MAGI2: variants seen among roughly 807,000 people sequenced by gnomAD.
The protein encoded by MAGI2 is membrane associated guanylate kinase, WW and PDZ domain containing 2, also known as membrane-associated guanylate kinase, WW and PDZ domain-containing protein 2.
In MAGI2, 35 loss-of-function variants were observed where a neutral mutation model predicts 133.3. The ratio of observed to expected loss-of-function variants is 0.26; its 90% CI spans 0.20 to 0.35. The LOEUF (loss-of-function observed/expected upper bound fraction) is 0.35. Ranked by LOEUF, MAGI2 falls within the 10% of genes least tolerant of loss-of-function variation. The probability of loss-of-function intolerance (pLI) is 1.00; values close to 1 mark genes in which losing one functional copy is unlikely to be tolerated. For synonymous variants in MAGI2, 729 were observed against 710.6 expected, an observed-to-expected ratio of 1.03 and a Z score of -0.41; for missense variants, 1,636 against 1,863.4, an observed-to-expected ratio of 0.88 and a Z score of 2.25.
At chr7:78,880,003 A>T (rs1215036028) in intron 2 of MAGI2, among the ~76,000 whole-genome samples, 1 of 152,126 alleles carries the variant, frequency 6.6e-6, no homozygotes, top group Non-Finnish European at 1.5e-5. Flanking sequence ...TTTCATACTA[A>T]CACAGTTAGA....
chr7:78,438,546 T>C (rs998645754), intron 6 of MAGI2, among the ~76,000 whole-genome samples: 2 of 152,190 alleles, frequency 1.3e-5, no homozygotes, highest in Non-Finnish European at 2.9e-5. Context: ...GGTTCCTTTA[T>C]GAGCGTGCTG....
At chr7:78,481,975 T>C (rs1027679348) in intron 6 of MAGI2, among the ~76,000 whole-genome samples, 1 of 151,828 alleles carries the variant, frequency 6.6e-6, no homozygotes, top group Non-Finnish European at 1.5e-5. Context: ...AAATACAAAC[T>C]GCAGACTTGG....
At chr7:78,366,437 C>T (rs1334884725) in intron 7 of MAGI2, among the ~76,000 whole-genome samples, 1 of 152,134 alleles carries the variant, frequency 6.6e-6, no homozygotes, top group Non-Finnish European at 1.5e-5. Context: ...AAACACTCTA[C>T]ATACTGAAAG....
chr7:78,683,733 C>T (rs1238387541), intron 2 of MAGI2, among the ~76,000 whole-genome samples: 2 of 152,114 alleles, frequency 1.3e-5, no homozygotes, highest in African/African-American at 4.8e-5. Context: ...TATCCTGTCC[C>T]TAATCATAAG....
chr7:78,097,583 T>C (rs1405324126), intron 20 of MAGI2, among the ~76,000 whole-genome samples: 2 of 152,184 alleles, frequency 1.3e-5, no homozygotes, highest in African/African-American at 4.8e-5. Flanking sequence ...AAATACTGCA[T>C]GTTCTCACTT....
intron 9 of MAGI2, among the ~76,000 whole-genome samples, chr7:78,269,546 T>TTTGAGCA (rs916258094): frequency 1.3e-4 from 19 of 151,884 alleles, no homozygotes; most frequent in Admixed American, 1.1e-3. Flanking sequence ...GATGATGAGC[T>TTTGAGCA]TTTTTTTCAT....
intron 1 of MAGI2, among the ~76,000 whole-genome samples, chr7:79,160,500 TTACTA>T (rs771028251): frequency 1.3e-5 from 2 of 152,180 alleles, no homozygotes; most frequent in South Asian, 4.1e-4. Context: ...TAAAAAATCT[TTACTA>T]TAGTGAGTTG....
intron 2 of MAGI2, among the ~76,000 whole-genome samples, chr7:78,791,929 A>T (rs1333447527): frequency 6.6e-6 from 1 of 152,194 alleles, no homozygotes; most frequent in Admixed American, 6.5e-5. Context: ...AAAATTACAT[A>T]GTTATAAAAT....
intron 2 of MAGI2, among the ~76,000 whole-genome samples, chr7:78,912,560 C>T (rs552453848): frequency 6.6e-6 from 1 of 151,946 alleles, no homozygotes; most frequent in Non-Finnish European, 1.5e-5. Context: ...AGCCTTCCAG[C>T]CTACATCTTT....
intron 1 of MAGI2, chr7:79,414,738 T>C (rs1403131908): frequency 6.6e-6 from 1 of 152,170 alleles, no homozygotes; most frequent in Non-Finnish European, 1.5e-5. Flanking sequence ...TGTTGAACAT[T>C]TACTACCTTG....
chr7:78,397,136 A>G (rs1562940107), intron 6 of MAGI2, among the ~76,000 whole-genome samples: 1 of 152,092 alleles, frequency 6.6e-6, no homozygotes, highest in Non-Finnish European at 1.5e-5. Flanking sequence ...CTACCTTAAT[A>G]ATGCTCTTTG....
At chr7:78,765,599 G>A (rs1027049620) in intron 2 of MAGI2, among the ~76,000 whole-genome samples, 3 of 151,702 alleles carry the variant, frequency 2.0e-5, no homozygotes, top group Non-Finnish European at 4.4e-5. Flanking sequence ...TGCCCACCTC[G>A]GCCTCTCAAA....
At chr7:78,173,537 T>C (rs1220916462) in intron 14 of MAGI2, among the ~76,000 whole-genome samples, 1 of 152,234 alleles carries the variant, frequency 6.6e-6, no homozygotes, top group African/African-American at 2.4e-5. Context: ...AAGACTCTAT[T>C]AAAGTAAGTA....
intron 2 of MAGI2, among the ~76,000 whole-genome samples, chr7:78,936,605 A>G (rs1253379429): frequency 6.6e-6 from 1 of 152,052 alleles, no homozygotes; most frequent in Non-Finnish European, 1.5e-5. Context: ...ACTATAGCCC[A>G]TTCCTATTAA....
chr7:78,788,735 C>T (rs1249424197), intron 2 of MAGI2, among the ~76,000 whole-genome samples: 1 of 152,170 alleles, frequency 6.6e-6, no homozygotes, highest in Non-Finnish European at 1.5e-5. Context: ...TTAGGGAATA[C>T]CTCCCACTAA....
intron 13 of MAGI2, among the ~76,000 whole-genome samples, chr7:78,179,622 C>G (rs1034810651): frequency 6.6e-6 from 1 of 152,092 alleles, no homozygotes; most frequent in African/African-American, 2.4e-5. Flanking sequence ...GCATTCATAC[C>G]CTTTTATGAC....
intron 1 of MAGI2, among the ~76,000 whole-genome samples, chr7:79,181,201 G>A (rs1826589922): frequency 6.6e-6 from 1 of 151,968 alleles, no homozygotes; most frequent in Non-Finnish European, 1.5e-5. Flanking sequence ...TCTGTGTGGG[G>A]GCTCTGACCC....
intron 10 of MAGI2, among the ~76,000 whole-genome samples, chr7:78,249,498 T>C (rs1792155238): frequency 6.6e-6 from 1 of 151,688 alleles, no homozygotes; most frequent in Admixed American, 6.6e-5. Flanking sequence ...GAAAATGTGG[T>C]AAATCTACAC....
In MAGI2 at chr7:79,022,271, A is replaced by G. The variant is rs141314721; in HGVS notation, c.302-15065T>C. Among the ~76,000 whole-genome samples, 353 of 152,324 alleles carry G rather than the reference A, an allele frequency of 2.3e-3. 1 individual carries two copies. Among genetic ancestry groups the G allele is most frequent in the African/African-American group, 8.3e-3 (344 of 41,586 alleles). On this transcript the variant is annotated intron_variant, in intron 1 of 21. Transcript: ENST00000354212. ...TGGACATTAAACAACTTGCTCCTGAATGACTTCTGGGTAAACAATAAAATT... is the reference window on the plus strand; with the variant it reads ...TGGACATTAAACAACTTGCTCCTGAGTGACTTCTGGGTAAACAATAAAATT...
Sources: gnomAD v4.1 joint callset for allele counts (sites outside exome capture counted in the v4.1 genomes callset) on GRCh38, gnomAD v4.1.1 for gene constraint, MANE v1.5 for transcripts, NCBI Gene and HGNC (gene_info 2026-07-23, HGNC 2026-07-21) for gene names.